SCRG1: variants seen among roughly 807,000 people sequenced by gnomAD.
SCRG1 encodes stimulator of chondrogenesis 1.
A neutral mutation model predicts 7.7 loss-of-function variants in SCRG1; 3 were observed. That is an observed-to-expected ratio of 0.39 (90% CI 0.18 to 1.01). The LOEUF is 1.01. Among genes scored for constraint, SCRG1 ranks in the 50% least tolerant of loss-of-function variants. The probability of loss-of-function intolerance (pLI) is 0.36; values close to 1 mark genes in which losing one functional copy is unlikely to be tolerated. For synonymous variants in SCRG1, 46 were observed against 41.2 expected (o/e 1.12, Z -0.44); for missense variants, 110 against 117.2 (o/e 0.94, Z 0.28).
the SCRG1 span, chr4:173,446,602 G>A: frequency 6.6e-6 from 1 of 152,186 alleles, no homozygotes; most frequent in East Asian, 1.9e-4. Context: ...GAAAAGGAAA[G>A]CAAAATATAG....
the SCRG1 span, among the ~76,000 whole-genome samples, chr4:173,472,090 T>C: frequency 1.3e-5 from 2 of 152,202 alleles, no homozygotes; most frequent in African/African-American, 4.8e-5. Context: ...TCTTCCTTAA[T>C]TGAGGCACAA....
the SCRG1 span, among the ~76,000 whole-genome samples, chr4:173,482,886 T>C: frequency 7.1e-6 from 1 of 140,874 alleles, no homozygotes; most frequent in Non-Finnish European, 1.5e-5. Flanking sequence ...TTATATGTTA[T>C]ATATTATATA....
the SCRG1 span, among the ~76,000 whole-genome samples, chr4:173,490,929 G>A: frequency 5.3e-5 from 8 of 152,226 alleles, no homozygotes; most frequent in South Asian, 2.1e-4. Context: ...CAAGTGTCCC[G>A]TCCTCTCCCT....
chr4:173,472,149 T>C, the SCRG1 span, among the ~76,000 whole-genome samples: 50,042 of 152,112 alleles, frequency 0.33, 8,636 homozygotes, highest in South Asian at 0.47. Flanking sequence ...ATTTTTCTTT[T>C]AAAAAGGAAA....
intron 2 of SCRG1, among the ~76,000 whole-genome samples, chr4:173,389,299 C>T (rs953155371): frequency 1.3e-5 from 2 of 152,032 alleles, no homozygotes; most frequent in African/African-American, 4.8e-5. Flanking sequence ...CTTTGGGAGG[C>T]CAAGGCGGGC....
the SCRG1 span, among the ~76,000 whole-genome samples, chr4:173,466,695 C>A: frequency 2.0e-5 from 3 of 152,114 alleles, no homozygotes; most frequent in East Asian, 5.8e-4. Flanking sequence ...GTATGTGGAT[C>A]ATCTGATAAT....
At chr4:173,493,235 A>C in the SCRG1 span, among the ~76,000 whole-genome samples, 2 of 152,202 alleles carry the variant, frequency 1.3e-5, no homozygotes, top group African/African-American at 4.8e-5. Flanking sequence ...TTCTTGTGAT[A>C]GTGAGTTCTC....
chr4:173,483,224 ATAT>A, the SCRG1 span, among the ~76,000 whole-genome samples: 25 of 82,566 alleles, frequency 3.0e-4, no homozygotes, highest in African/African-American at 1.3e-3. Context: ...TATAATATAT[ATAT>A]TATATATAAT....
the SCRG1 span, among the ~76,000 whole-genome samples, chr4:173,475,956 G>A: frequency 2.6e-5 from 4 of 152,052 alleles, no homozygotes; most frequent in African/African-American, 9.7e-5. Context: ...AGTGATGAAT[G>A]GATATAGAGT....
chr4:173,458,046 A>G, the SCRG1 span, among the ~76,000 whole-genome samples: 12 of 152,312 alleles, frequency 7.9e-5, no homozygotes, highest in Admixed American at 7.8e-4. Flanking sequence ...TTGGTGGGCT[A>G]TGAATGGAAT....
chr4:173,388,495 T>A (rs1252041050), intron 2 of SCRG1, 100 bp from the exon 3 acceptor site: 1 of 802,796 alleles, frequency 1.2e-6, no homozygotes, highest in Non-Finnish European at 2.0e-6. Flanking sequence ...GGATTTCAGT[T>A]ATGATTATTC....
intron 1 of SCRG1, among the ~76,000 whole-genome samples, chr4:173,392,795 C>T (rs548243362): frequency 6.6e-6 from 1 of 152,052 alleles, no homozygotes; most frequent in African/African-American, 2.4e-5. Context: ...GGAAAGAAAA[C>T]AATATTGTGG....
the SCRG1 span, among the ~76,000 whole-genome samples, chr4:173,442,102 T>C: frequency 6.6e-6 from 1 of 152,200 alleles, no homozygotes; most frequent in Non-Finnish European, 1.5e-5. Flanking sequence ...TTTCGGATCT[T>C]AAATTCCCTG....
intron 1 of SCRG1, among the ~76,000 whole-genome samples, chr4:173,405,944 A>G (rs1235342808): frequency 3.3e-5 from 5 of 152,226 alleles, no homozygotes; most frequent in Non-Finnish European, 5.9e-5. Context: ...GCTCACTAGT[A>G]CTGGTGTGTC....
the SCRG1 span, among the ~76,000 whole-genome samples, chr4:173,494,543 A>T: frequency 2.0e-5 from 3 of 152,340 alleles, no homozygotes; most frequent in African/African-American, 7.2e-5. Flanking sequence ...CAGCTCTAGC[A>T]GGGGTTGAGG....
the SCRG1 span, among the ~76,000 whole-genome samples, chr4:173,444,225 C>G: frequency 6.6e-6 from 1 of 152,144 alleles, no homozygotes; most frequent in Non-Finnish European, 1.5e-5. Context: ...TCACCCGCCT[C>G]GGCCTCCCAA....
chr4:173,405,457 T>C (rs1578970441), intron 1 of SCRG1, among the ~76,000 whole-genome samples: 1 of 152,340 alleles, frequency 6.6e-6, no homozygotes, highest in Middle Eastern at 3.4e-3. Context: ...CTTTCCATAG[T>C]ACACTCTGTG....
chr4:173,443,129 C>T, the SCRG1 span, among the ~76,000 whole-genome samples: 1 of 152,090 alleles, frequency 6.6e-6, no homozygotes, highest in Non-Finnish European at 1.5e-5. Flanking sequence ...AATGCATATC[C>T]TCCTGACTGG....
chr4:173,468,084 T>C, the SCRG1 span: 1 of 152,646 alleles, frequency 6.6e-6, no homozygotes, highest in Non-Finnish European at 1.5e-5. Flanking sequence ...ATACGAAGCA[T>C]ATACAGTCAT....
Sources: allele counts gnomAD v4.1 joint callset (sites outside exome capture counted in the v4.1 genomes callset), GRCh38; gene constraint gnomAD v4.1.1; transcripts MANE v1.5; gene names NCBI Gene and HGNC (gene_info 2026-07-23, HGNC 2026-07-21).